SH3PXD2B: variants seen among roughly 807,000 people sequenced by gnomAD.
The protein encoded by SH3PXD2B is SH3 and PX domain-containing protein 2B.
In SH3PXD2B, 37 loss-of-function variants were observed where a neutral mutation model predicts 73.1. That is an observed-to-expected ratio of 0.51 (90% CI 0.39 to 0.67). The LOEUF is 0.67. SH3PXD2B is among the 30% of genes least tolerant of loss of function. The probability of loss-of-function intolerance (pLI) is 0.00; values close to 1 mark genes in which losing one functional copy is unlikely to be tolerated. For missense variants in SH3PXD2B, 1,053 were observed against 1,197.8 expected (o/e 0.88, Z 1.78); for synonymous variants, 457 against 480.5 (o/e 0.95, Z 0.64).
Position 172,353,303 on chromosome 5 carries a change from G to T in SH3PXD2B, c.785+585C>A, listed in dbSNP as rs78485745. Among the ~76,000 whole-genome samples, 9,152 of 152,220 alleles carry T rather than the reference G, an allele frequency of 0.06. 341 individuals are homozygous for T. Among genetic ancestry groups the T allele is most frequent in the South Asian group, 0.22 (1,068 of 4,822 alleles). ...TCCCATGGTCACATCCTGCCTATTG[G>T]GGGTGATCAAGGAGGGGTTCCCAGG... On this transcript the variant is annotated intron_variant, in intron 9 of 12. Transcript: ENST00000311601. The surrounding 1 kb of genome is among the most constrained non-coding windows in gnomAD (Gnocchi z 4.3).
intron 6 of SH3PXD2B, among the ~76,000 whole-genome samples, chr5:172,368,815 A>C (rs1413413683): frequency 7.6e-6 from 1 of 132,374 alleles, no homozygotes; most frequent in Non-Finnish European, 1.6e-5. Context: ...TATGTATATT[A>C]AATATATAAA....
intron 3 of SH3PXD2B, among the ~76,000 whole-genome samples, chr5:172,405,253 T>C (rs142117178): frequency 0.011 from 1,608 of 152,356 alleles, 39 homozygotes; most frequent in African/African-American, 0.037. Flanking sequence ...TTCATAAACT[T>C]TCTAAAATAT....
rs976703255 is a variant in SH3PXD2B, at chr5:172,445,247, C to T, written c.75+9031G>A. The stretch of plus-strand genomic sequence containing the variant: ...TTGTCTATCCACATGTCATCTCTGT[C>T]GCCCAGGCTGGAGTGCAGTGGCGCA... On this transcript the variant is annotated intron_variant, in intron 1 of 12. Coordinates refer to ENST00000311601, the MANE Select transcript of SH3PXD2B (RefSeq NM_001017995.3). The surrounding 1 kb of genome is among the most constrained non-coding windows in gnomAD (Gnocchi z 5.2). 1.3e-5 allele frequency among the ~76,000 whole-genome samples: 2 copies of T among 152,196 alleles called. No homozygotes were observed. Among genetic ancestry groups the T allele is most frequent in the African/African-American group, 4.8e-5 (2 of 41,458 alleles).
At chr5:172,369,103 C>T (rs943955675) in intron 6 of SH3PXD2B, among the ~76,000 whole-genome samples, 10 of 151,176 alleles carry the variant, frequency 6.6e-5, no homozygotes, top group African/African-American at 2.4e-4. Flanking sequence ...CCATGCTTGC[C>T]AGGCTGGTCT....
At position 172,353,934 on chromosome 5, in the gene SH3PXD2B, C is replaced by T. The variant is rs755009239; in HGVS notation, c.739G>A (p.Val247Met). ...QDEMNLERGAVVEVIQKNLEG... is the reference protein window; with the variant it reads ...QDEMNLERGAMVEVIQKNLEG... ...AGGTTTTTCTGGATGACCTCCACCA[C>T]AGCCCCTCTCTCCAGGTTCATTTCA... The change falls in exon 9 of 13, where the codon GTG becomes ATG. Residue 247 changes from valine to methionine, a missense_variant. Val to Met is a conservative substitution (Grantham distance 21, BLOSUM62 1). Around this residue, in one of 2 missense-constraint regions of SH3PXD2B, gnomAD observed 466 missense variants for 607.1 expected, o/e 0.77. Transcript: ENST00000311601. The surrounding 1 kb of genome is among the most constrained non-coding windows in gnomAD (Gnocchi z 4.3). 2.5e-6 allele frequency: 4 copies of T among 1,614,018 alleles called. No homozygotes were observed. Among genetic ancestry groups the T allele is most frequent in the South Asian group, 1.1e-5 (1 of 91,084 alleles).
intron 12 of SH3PXD2B, among the ~76,000 whole-genome samples, chr5:172,341,464 C>T (rs1756847782): frequency 6.6e-6 from 1 of 152,118 alleles, no homozygotes; most frequent in South Asian, 2.1e-4. Flanking sequence ...TGTCTCCTTG[C>T]CACTCTCTCT....
chr5:172,401,379 G>C (rs892604731), intron 3 of SH3PXD2B, among the ~76,000 whole-genome samples: 1 of 152,200 alleles, frequency 6.6e-6, no homozygotes, highest in Non-Finnish European at 1.5e-5. Flanking sequence ...CATTGTGCCT[G>C]GAGCTGAGGC....
rs34351709 is a variant in SH3PXD2B, at chr5:172,389,568, CAA to C, written c.309+4993_309+4994del. On this transcript the variant is annotated intron_variant, in intron 4 of 12. Transcript: ENST00000311601. ...CAACATGGTGAAACCTCATCTCTAC[CAA>C]AAAAAAAAAAAAAAAAAAATTGGTA... Among the ~76,000 whole-genome samples the C allele has an allele frequency of 1.1e-3, 117 of 103,578 alleles. 1 individual carries two copies. The highest frequency in any genetic ancestry group is 3.8e-3 in the African/African-American group (100 of 26,548). 68.0% of individuals were successfully genotyped at this position (103,578 alleles called of 152,430 possible). A position where few individuals can be genotyped will look rare whatever the true frequency, so the allele number is the denominator to read the frequency against.
At position 172,353,980 on chromosome 5, in the gene SH3PXD2B, C is replaced by T. The variant is rs143272304; in HGVS notation, c.693G>A (p.Pro231=). 2.9e-4 allele frequency: 460 copies of T among 1,613,982 alleles called. No homozygotes were observed. Among genetic ancestry groups the T allele is most frequent in the Non-Finnish European group, 3.5e-4 (415 of 1,180,010 alleles). The part of the protein sequence containing the change: ...EEEEKYTVIY[P]YTARDQDEMN... ...TTTCATCCTGGTCCCGAGCTGTGTA[C>T]GGGTAGATGACTGTGTACTTCTCCT... Residue 231 remains proline, a synonymous_variant, in exon 9 of 13, where the codon CCG becomes CCA. Transcript: ENST00000311601. The surrounding 1 kb of genome is among the most constrained non-coding windows in gnomAD (Gnocchi z 4.3).
intron 8 of SH3PXD2B, among the ~76,000 whole-genome samples, chr5:172,355,662 A>G (rs1581270742): frequency 1.3e-5 from 2 of 151,342 alleles, no homozygotes; most frequent in Admixed American, 1.3e-4. Context: ...CTCCTGCCTC[A>G]GCCTCCCGAG....
chr5:172,422,264 G>C, intron 2 of SH3PXD2B, 152 bp downstream of exon 2: 3 of 725,562 alleles, frequency 4.1e-6, no homozygotes, highest in East Asian at 2.9e-5. Context: ...CAAAGTGCTG[G>C]GATTACAGGT....
chr5:172,426,601 G>A (rs1377302614), intron 1 of SH3PXD2B, among the ~76,000 whole-genome samples: 3 of 152,134 alleles, frequency 2.0e-5, no homozygotes, highest in Admixed American at 6.5e-5. Flanking sequence ...TCTTCATGAG[G>A]GGAGTGGGCA....
At chr5:172,438,014 C>T (rs77101239) in intron 1 of SH3PXD2B, among the ~76,000 whole-genome samples, 3,321 of 152,258 alleles carry the variant, frequency 0.022, 128 homozygotes, top group African/African-American at 0.075. Flanking sequence ...AAGCTCTGCT[C>T]GAAGGGCCTC....
At position 172,430,311 on chromosome 5, in the gene SH3PXD2B, C is replaced by T. The variant is rs575630438; in HGVS notation, c.76-7815G>A. Reference sequence around the variant, plus strand: ...TCCAGCCCACACCCATCTCCCTGGGCTCTGCCCTCTCCACCTGTCCTTTCT... The same window carrying T: ...TCCAGCCCACACCCATCTCCCTGGGTTCTGCCCTCTCCACCTGTCCTTTCT... On this transcript the variant is annotated intron_variant, in intron 1 of 12. Coordinates refer to ENST00000311601, the MANE Select transcript of SH3PXD2B (RefSeq NM_001017995.3). Among the ~76,000 whole-genome samples the T allele has an allele frequency of 3.3e-5, 5 of 152,384 alleles. No individual in the cohort carries two copies. The South Asian group carries it at 1.0e-3, about 32-fold the overall frequency.
chr5:172,341,752 G>A (rs548924132), intron 12 of SH3PXD2B, among the ~76,000 whole-genome samples: 11 of 152,264 alleles, frequency 7.2e-5, no homozygotes, highest in Admixed American at 2.0e-4. Flanking sequence ...CTGGGTTCAC[G>A]CCATTCTCCT....
intron 2 of SH3PXD2B, among the ~76,000 whole-genome samples, chr5:172,420,455 C>T (rs1758935820): frequency 1.3e-5 from 2 of 151,904 alleles, no homozygotes; most frequent in Admixed American, 1.3e-4. Context: ...AACACAAGCT[C>T]TGAAAATTCT....
chr5:172,346,182 GT>G lies in SH3PXD2B; in HGVS notation c.1141del (p.Thr381GlnfsTer13), dbSNP rs1756993576. The G allele has an allele frequency of 6.2e-7, 1 of 1,614,182 alleles. No individual in the cohort carries two copies. The highest frequency in any genetic ancestry group is 8.5e-7 in the Non-Finnish European group (1 of 1,180,036). On this transcript the variant is annotated frameshift_variant, in exon 12 of 13. Transcript: ENST00000311601. LOFTEE classifies it low-confidence loss of function (END_TRUNC). ...EEYYTIAEFQ[T>X]TIPDGISFQA... Reference sequence around the variant, plus strand: ...GAAGCTGATGCCGTCTGGGATGGTTGTCTGGAATTCGGCGATGGTGTAATAC... The same window carrying G: ...GAAGCTGATGCCGTCTGGGATGGTTGCTGGAATTCGGCGATGGTGTAATAC...
chr5:172,400,501 A>G (rs1055795563), intron 3 of SH3PXD2B, among the ~76,000 whole-genome samples: 1 of 152,192 alleles, frequency 6.6e-6, no homozygotes, highest in Non-Finnish European at 1.5e-5. Context: ...CTGAGGCCTC[A>G]TATGATACTC....
chr5:172,385,338 A>G (rs914615988), intron 4 of SH3PXD2B, among the ~76,000 whole-genome samples: 9 of 152,070 alleles, frequency 5.9e-5, no homozygotes, highest in Admixed American at 5.9e-4. Flanking sequence ...GGCTCCTGAA[A>G]CGTGTTCATC....
Sources: allele counts gnomAD v4.1 joint callset (sites outside exome capture counted in the v4.1 genomes callset), GRCh38; gene constraint gnomAD v4.1.1; regional missense constraint gnomAD v4.1.1; non-coding constraint Gnocchi (gnomAD v3.1); transcripts MANE v1.5; gene names NCBI Gene and HGNC (gene_info 2026-07-23, HGNC 2026-07-21).